Variants in LAMA4 observed in about 807,000 individuals in gnomAD.
LAMA4 encodes the protein laminin subunit alpha 4, also known as laminin subunit alpha-4.
LAMA4 carries 127 observed loss-of-function variants against 207.1 expected under a neutral mutation model. The observed-to-expected ratio is 0.61, with a 90% CI of 0.53 to 0.71. The LOEUF (loss-of-function observed/expected upper bound fraction) is 0.71. Among genes scored for constraint, LAMA4 ranks in the 30% least tolerant of loss-of-function variants. The pLI is 0.00. For synonymous variants in LAMA4, 761 were observed against 816.0 expected, an observed-to-expected ratio of 0.93 and a Z score of 1.15; for missense variants, 2,093 against 2,246.5, an observed-to-expected ratio of 0.93 and a Z score of 1.38.
chr6:112,245,115 T>C (rs1264514620), intron 2 of LAMA4, among the ~76,000 whole-genome samples: 1 of 152,164 alleles, frequency 6.6e-6, no homozygotes, highest in Non-Finnish European at 1.5e-5. Context: ...TCAGGACAGA[T>C]AGCAGGAAAA....
At chr6:112,149,367 C>G (rs1780236247) in intron 17 of LAMA4, among the ~76,000 whole-genome samples, 5 of 152,044 alleles carry the variant, frequency 3.3e-5, no homozygotes. Context: ...GGCTGTGTTC[C>G]CACCCAAATC....
intron 7 of LAMA4, among the ~76,000 whole-genome samples, chr6:112,188,404 A>G (rs1159014089): frequency 6.6e-6 from 1 of 152,202 alleles, no homozygotes; most frequent in Non-Finnish European, 1.5e-5. Context: ...CTGTTCAATC[A>G]GGGTGTAAAC....
chr6:112,141,327 A>C (rs375667613), intron 21 of LAMA4, 31 bp downstream of exon 21: 61 of 1,608,950 alleles, frequency 3.8e-5, no homozygotes, highest in Non-Finnish European at 5.0e-5. Context: ...TGATATGTGC[A>C]TATATGCCCT....
intron 8 of LAMA4, chr6:112,186,678 T>C: frequency 2.4e-6 from 1 of 419,768 alleles, no homozygotes; most frequent in South Asian, 1.8e-5. Flanking sequence ...ATAATACCAC[T>C]TATAATACTA....
chr6:112,254,840 T>A (rs1347289273), upstream of LAMA4: 1 of 152,460 alleles, frequency 6.6e-6, no homozygotes, highest in East Asian at 1.9e-4. Context: ...GGAAAAGGGA[T>A]TCCAGGGCAG....
intron 2 of LAMA4, among the ~76,000 whole-genome samples, chr6:112,240,977 T>C (rs1458409446): frequency 6.6e-6 from 1 of 150,832 alleles, no homozygotes; most frequent in Non-Finnish European, 1.5e-5. Context: ...ACTGAGGTCA[T>C]GTTTTTACTA....
At chr6:112,152,301 T>C (rs1780448177) in intron 16 of LAMA4, among the ~76,000 whole-genome samples, 1 of 152,106 alleles carries the variant, frequency 6.6e-6, no homozygotes, top group Non-Finnish European at 1.5e-5. Flanking sequence ...TGGGTAGGGA[T>C]CGATTAGTGG....
chr6:112,231,910 T>C (rs1554364561), intron 2 of LAMA4, among the ~76,000 whole-genome samples: 1 of 152,170 alleles, frequency 6.6e-6, no homozygotes, highest in African/African-American at 2.4e-5. Context: ...TAGGATTGTG[T>C]GTTGAACTCC....
At chr6:112,190,989 C>CTCTT (rs1176782579) in intron 6 of LAMA4, among the ~76,000 whole-genome samples, 3 of 66,184 alleles carry the variant, frequency 4.5e-5, no homozygotes, top group Non-Finnish European at 5.9e-5. Context: ...TCTTTCTTTC[C>CTCTT]TCTTTCTTTC....
chr6:112,189,121 C>T lies in LAMA4; in HGVS notation c.803G>A (p.Cys268Tyr). ...EGFEPPTGMD[C>Y]PTISCDKCVW... ...ACTGTTATTTTTACTTATGGTTGGG[C>T]AGTCCATGCCTGTAGGGGGTTCAAA... Residue 268 changes from cysteine to tyrosine, a missense_variant, in exon 7 of 39, where the codon TGC (cysteine) becomes TAC (tyrosine). Cys to Tyr is a radical substitution (Grantham distance 194). Transcript: ENST00000230538. The T allele has an allele frequency of 6.2e-7, 1 of 1,611,290 alleles. No individual in the cohort carries two copies. The highest frequency in any genetic ancestry group is 1.7e-5 in the Admixed American group (1 of 60,012).
chr6:112,201,781 T>C, intron 4 of LAMA4, 93 bp from the exon 5 acceptor site: 3 of 1,046,444 alleles, frequency 2.9e-6, no homozygotes, highest in Non-Finnish European at 4.5e-6. Context: ...GTTGGTCCCA[T>C]TAAAGTTCTA....
intron 28 of LAMA4, among the ~76,000 whole-genome samples, chr6:112,132,392 G>A (rs1423061353): frequency 6.6e-6 from 1 of 152,044 alleles, no homozygotes; most frequent in Non-Finnish European, 1.5e-5. Flanking sequence ...TTCTATTAAT[G>A]ACAAAGTCAC....
At chr6:112,231,206 C>T (rs1032316545) in intron 2 of LAMA4, among the ~76,000 whole-genome samples, 5 of 151,998 alleles carry the variant, frequency 3.3e-5, no homozygotes, top group Non-Finnish European at 7.4e-5. Flanking sequence ...CCTTTTTTCT[C>T]AGGAAAGTGC....
chr6:112,160,756 C>T (rs928240721), intron 13 of LAMA4, among the ~76,000 whole-genome samples: 3 of 152,224 alleles, frequency 2.0e-5, no homozygotes, highest in Non-Finnish European at 2.9e-5. Flanking sequence ...GCATTTGACT[C>T]CCAGCCCTTT....
At chr6:112,170,647 T>G (rs1213112424) in intron 12 of LAMA4, among the ~76,000 whole-genome samples, 1 of 152,224 alleles carries the variant, frequency 6.6e-6, no homozygotes, top group African/African-American at 2.4e-5. Context: ...ACCCAGTTTT[T>G]ACTGAGTTGT....
chr6:112,225,839 G>C (rs551029804), intron 2 of LAMA4, among the ~76,000 whole-genome samples: 9 of 152,332 alleles, frequency 5.9e-5, no homozygotes, highest in African/African-American at 2.2e-4. Context: ...AGAGTTCTCA[G>C]GGAGGATAAT....
At chr6:112,191,369 G>C (rs576936605) in intron 6 of LAMA4, among the ~76,000 whole-genome samples, 1 of 152,130 alleles carries the variant, frequency 6.6e-6, no homozygotes, top group Non-Finnish European at 1.5e-5. Flanking sequence ...AAACTAGAAG[G>C]ATATAAGATG....
chr6:112,133,533 T>C, intron 26 of LAMA4, 46 bp from the exon 27 acceptor site: 2 of 1,608,558 alleles, frequency 1.2e-6, no homozygotes, highest in Non-Finnish European at 1.7e-6. Flanking sequence ...GATGATGATG[T>C]TACCCTGCAT....
At position 112,125,077 on chromosome 6, in the gene LAMA4, A is replaced by C. The variant is rs188766928; in HGVS notation, c.4288-2876T>G. Among the ~76,000 whole-genome samples the C allele has an allele frequency of 1.1e-4, 17 of 152,238 alleles. No individual in the cohort carries two copies. In the East Asian group the frequency reaches 3.3e-3, roughly 29 times the overall value. ...GCCATCTTAAACAATCTAAGATAGG[A>C]TAGTATTGTGGTGTCCCAGCAGGGG... is the stretch of plus-strand genomic sequence containing the variant. On this transcript the variant is annotated intron_variant, in intron 31 of 38. Transcript: ENST00000230538.
Sources: gnomAD v4.1 joint callset for allele counts (sites outside exome capture counted in the v4.1 genomes callset) on GRCh38, gnomAD v4.1.1 for gene constraint, MANE v1.5 for transcripts, NCBI Gene and HGNC (gene_info 2026-07-23, HGNC 2026-07-21) for gene names.